OSBPL10: variants seen among roughly 807,000 people sequenced by gnomAD.
OSBPL10 encodes the protein oxysterol-binding protein-related protein 10.
In OSBPL10, 49 loss-of-function variants were observed where a neutral mutation model predicts 81.7. The observed-to-expected ratio is 0.60, with a 90% CI of 0.48 to 0.76. The LOEUF (loss-of-function observed/expected upper bound fraction) is 0.76, where lower values mean the gene tolerates loss of function less well. Among genes scored for constraint, OSBPL10 ranks in the 30% least tolerant of loss-of-function variants. The pLI is 0.00. For missense variants in OSBPL10, 923 were observed against 987.8 expected, an observed-to-expected ratio of 0.93 and a Z score of 0.88; for synonymous variants, 419 against 383.6, an observed-to-expected ratio of 1.09 and a Z score of -1.08.
intron 3 of OSBPL10, among the ~76,000 whole-genome samples, chr3:31,867,470 G>A (rs190433397): frequency 1.3e-4 from 20 of 152,222 alleles, no homozygotes; most frequent in East Asian, 5.8e-4. Context: ...GGCGGGACAC[G>A]GTGGCTCTCA....
chr3:31,916,306 T>C (rs1234078600), intron 1 of OSBPL10, among the ~76,000 whole-genome samples: 4 of 152,184 alleles, frequency 2.6e-5, no homozygotes, highest in Admixed American at 2.6e-4. Flanking sequence ...TTGTACAGCT[T>C]CCTACTCACC....
intron 4 of OSBPL10, among the ~76,000 whole-genome samples, chr3:31,798,343 T>G (rs967664628): frequency 3.3e-5 from 5 of 151,660 alleles, no homozygotes; most frequent in African/African-American, 1.2e-4. Context: ...GGCAGGAGAA[T>G]CATTTGAACC....
At chr3:31,870,661 AG>A (rs757593446) in intron 3 of OSBPL10, among the ~76,000 whole-genome samples, 1 of 152,128 alleles carries the variant, frequency 6.6e-6, no homozygotes, top group Non-Finnish European at 1.5e-5. Flanking sequence ...ATCTCGTTCA[AG>A]GTTTGTAAAC....
At chr3:31,832,785 T>C (rs914767410) in intron 3 of OSBPL10, among the ~76,000 whole-genome samples, 1 of 152,118 alleles carries the variant, frequency 6.6e-6, no homozygotes, top group Non-Finnish European at 1.5e-5. Context: ...TTTGGGAAGC[T>C]AGACAGGCAA....
At chr3:32,024,861 C>A (rs1024945289) in intron 2 of OSBPL10, among the ~76,000 whole-genome samples, 3 of 152,168 alleles carry the variant, frequency 2.0e-5, no homozygotes, top group Non-Finnish European at 4.4e-5. Context: ...TTGTCTCTTG[C>A]AACATTGCTA....
intron 5 of OSBPL10, among the ~76,000 whole-genome samples, chr3:31,746,664 GC>G (rs1287549976): frequency 1.4e-5 from 2 of 141,646 alleles, no homozygotes; most frequent in African/African-American, 5.4e-5. Context: ...GGCAACAAGA[GC>G]AAAAACTCTG....
rs118045821 is a variant in OSBPL10 at position 31,875,055 on chromosome 3, A to T, written c.537+1378T>A. Among the ~76,000 whole-genome samples the T allele has an allele frequency of 4.9e-3, 735 of 150,916 alleles. 30 individuals carry two copies. In the East Asian group the frequency reaches 0.1, roughly 21 times the overall value. The stretch of plus-strand genomic sequence containing the variant: ...GTGCAAGTAAATCCATGTGCCTAAT[A>T]CAAAAAGATCTCCAAAATATATTAA... On this transcript the variant is annotated intron_variant, in intron 3 of 11. Coordinates refer to ENST00000396556, the MANE Select transcript of OSBPL10 (RefSeq NM_017784.5).
At chr3:31,832,622 G>C (rs1487247001) in intron 3 of OSBPL10, among the ~76,000 whole-genome samples, 1 of 152,192 alleles carries the variant, frequency 6.6e-6, no homozygotes, top group East Asian at 1.9e-4. Context: ...CATATACAGA[G>C]ACAGACGGAG....
intron 3 of OSBPL10, among the ~76,000 whole-genome samples, chr3:31,870,194 T>C (rs1269258610): frequency 6.6e-6 from 1 of 152,212 alleles, no homozygotes; most frequent in Non-Finnish European, 1.5e-5. Flanking sequence ...GGGCGTGGGC[T>C]TGGAGGGCCC....
intron 2 of OSBPL10, among the ~76,000 whole-genome samples, chr3:32,025,887 G>A (rs966170728): frequency 1.4e-4 from 22 of 151,960 alleles, no homozygotes; most frequent in Admixed American, 5.9e-4. Context: ...TTGAGTATCC[G>A]CTGCACACAC....
In OSBPL10 at chr3:32,062,177, G is replaced by A. The variant is rs1399151578; in HGVS notation, n.185+15219C>T. Among the ~76,000 whole-genome samples, 13 of 92,114 alleles carry A rather than the reference G, an allele frequency of 1.4e-4. 4 individuals are homozygous for A. Among genetic ancestry groups the A allele is most frequent in the Admixed American group, 5.3e-4 (4 of 7,544 alleles). The allele number at this position is 92,114 out of a possible 152,430, so 60.4% of individuals were successfully genotyped here. ...GGCTGGAATGCAGTGGCACAATCTC[G>A]GCTCACTGCAACCTCCACCTCCCAG... On this transcript the variant is annotated intron_variant and non_coding_transcript_variant, in intron 1 of 3. Coordinates refer to the OSBPL10 transcript ENST00000479173.
At chr3:31,841,670 C>T (rs1207629711) in intron 3 of OSBPL10, among the ~76,000 whole-genome samples, 4 of 152,260 alleles carry the variant, frequency 2.6e-5, no homozygotes, top group Admixed American at 2.6e-4. Context: ...CCAAAACCTA[C>T]TGACTGATGC....
intron 4 of OSBPL10, among the ~76,000 whole-genome samples, chr3:31,810,459 C>CAAG (rs1699650814): frequency 4.4e-5 from 5 of 113,136 alleles, no homozygotes; most frequent in South Asian, 2.5e-4. Context: ...CTCCAAATCT[C>CAAG]TAAAGATTGA....
chr3:31,669,931 C>G (rs1193173885), intron 9 of OSBPL10, among the ~76,000 whole-genome samples: 2 of 152,190 alleles, frequency 1.3e-5, no homozygotes, highest in Admixed American at 1.3e-4. Flanking sequence ...CTGGATTGCA[C>G]ACAGTGGAAA....
At chr3:31,811,355 G>C (rs1487894037) in intron 4 of OSBPL10, among the ~76,000 whole-genome samples, 1 of 152,208 alleles carries the variant, frequency 6.6e-6, no homozygotes, top group Non-Finnish European at 1.5e-5. Context: ...AGAACTCGCA[G>C]GACTCCTTGA....
intron 2 of OSBPL10, among the ~76,000 whole-genome samples, chr3:31,992,711 T>A (rs940776560): frequency 6.6e-6 from 1 of 152,126 alleles, no homozygotes; most frequent in Non-Finnish European, 1.5e-5. Context: ...AAACAAACCT[T>A]GGCCAGGCAT....
chr3:32,033,029 A>C (rs184579225), intron 2 of OSBPL10, among the ~76,000 whole-genome samples: 1 of 152,322 alleles, frequency 6.6e-6, no homozygotes, highest in South Asian at 2.1e-4. Context: ...GGGCTTGTCA[A>C]ATTATAATGT....
intron 4 of OSBPL10, among the ~76,000 whole-genome samples, chr3:31,820,001 T>C (rs924113655): frequency 6.6e-6 from 1 of 152,132 alleles, no homozygotes; most frequent in Non-Finnish European, 1.5e-5. Flanking sequence ...ATAAGCCAAC[T>C]CCCCCTAATA....
intron 9 of OSBPL10, 152 bp downstream of exon 9, chr3:31,670,645 G>A (rs1700300412): frequency 2.3e-6 from 2 of 855,298 alleles, no homozygotes; most frequent in East Asian, 2.7e-5. Context: ...GCCATGTAAG[G>A]TAGGGAAAAG....
Sources: gnomAD v4.1 joint callset for allele counts (sites outside exome capture counted in the v4.1 genomes callset) on GRCh38, gnomAD v4.1.1 for gene constraint, MANE v1.5 for transcripts, NCBI Gene and HGNC (gene_info 2026-07-23, HGNC 2026-07-21) for gene names.